NTM: variants seen among roughly 807,000 people sequenced by gnomAD.
NTM encodes the protein neurotrimin, also known as IgLON family member 2.
Under a neutral mutation model 42.1 loss-of-function variants are expected in NTM, and 13 were observed. That is an observed-to-expected ratio of 0.31 (90% CI 0.20 to 0.49). The LOEUF (loss-of-function observed/expected upper bound fraction) is 0.49, where lower values mean the gene tolerates loss of function less well. NTM is among the 20% of genes least tolerant of loss of function. NTM has a pLI of 0.99. For synonymous variants in NTM, 187 were observed against 179.2 expected (o/e 1.04, Z -0.35); for missense variants, 373 against 452.8 (o/e 0.82, Z 1.60).
intron 1 of NTM, among the ~76,000 whole-genome samples, chr11:131,784,823 C>G (rs1322266959): frequency 2.0e-5 from 3 of 152,106 alleles, no homozygotes; most frequent in African/African-American, 7.2e-5. Flanking sequence ...ATCTTTTTAG[C>G]TTTTTCCATA....
chr11:131,532,608 G>A (rs1365192206), intron 1 of NTM, among the ~76,000 whole-genome samples: 1 of 152,148 alleles, frequency 6.6e-6, no homozygotes, highest in Non-Finnish European at 1.5e-5. Flanking sequence ...GGGTCAAATG[G>A]TAACTTGACG....
chr11:132,243,931 T>C (rs2090632847), intron 4 of NTM, among the ~76,000 whole-genome samples: 1 of 152,186 alleles, frequency 6.6e-6, no homozygotes, highest in African/African-American at 2.4e-5. Flanking sequence ...GTTTAGACCC[T>C]CCTTCACTAA....
chr11:131,501,815 A>C (rs112854716), intron 1 of NTM, among the ~76,000 whole-genome samples: 2 of 152,122 alleles, frequency 1.3e-5, no homozygotes, highest in Non-Finnish European at 2.9e-5. Context: ...AACTGGTTGG[A>C]TGGTGACACC....
intron 2 of NTM, among the ~76,000 whole-genome samples, chr11:132,024,615 G>A (rs2074907203): frequency 6.6e-6 from 1 of 152,078 alleles, no homozygotes; most frequent in Admixed American, 6.5e-5. Context: ...AGTCATATAG[G>A]GCAAATGTGG....
chr11:131,499,583 T>A (rs1433389965), intron 1 of NTM, among the ~76,000 whole-genome samples: 1 of 152,232 alleles, frequency 6.6e-6, no homozygotes, highest in Non-Finnish European at 1.5e-5. Flanking sequence ...TTTTCCTGCT[T>A]TAAACACTAA....
In NTM at chr11:132,003,886, T is replaced by G. The variant is rs138665962; in HGVS notation, c.167+92238T>G. Among the ~76,000 whole-genome samples, 395 of 152,364 alleles carry G rather than the reference T, an allele frequency of 2.6e-3. 2 individuals carry two copies. The highest frequency in any genetic ancestry group is 9.1e-3 in the African/African-American group (377 of 41,588). On this transcript the variant is annotated intron_variant, in intron 2 of 8. Coordinates refer to ENST00000683400, the MANE Select transcript of NTM (RefSeq NM_001352005.2). The surrounding 1 kb of genome is among the most constrained non-coding windows in gnomAD (Gnocchi z 6.0). ...ATTATCTAAAAGGTCAAGATTCTCA[T>G]GTAGACTTCTTTTTGAACATTCTTT... is the stretch of plus-strand genomic sequence containing the variant.
At chr11:131,813,472 A>T (rs1361683572) in intron 1 of NTM, among the ~76,000 whole-genome samples, 1 of 152,174 alleles carries the variant, frequency 6.6e-6, no homozygotes, top group Non-Finnish European at 1.5e-5. Flanking sequence ...TAAAGGACGG[A>T]TGAAGGCTGT....
intron 1 of NTM, among the ~76,000 whole-genome samples, chr11:131,910,638 G>A (rs888059041): frequency 6.6e-6 from 1 of 150,510 alleles, no homozygotes; most frequent in African/African-American, 2.4e-5. Flanking sequence ...GGAGGAAGGC[G>A]GCGCGGAGGC....
At chr11:131,948,045 T>C (rs2060536155) in intron 2 of NTM, among the ~76,000 whole-genome samples, 1 of 152,152 alleles carries the variant, frequency 6.6e-6, no homozygotes, top group South Asian at 2.1e-4. Flanking sequence ...GTGCCCATGA[T>C]GAGCAAGTTA....
intron 1 of NTM, among the ~76,000 whole-genome samples, chr11:131,456,642 A>C (rs1950920780): frequency 6.6e-6 from 1 of 152,118 alleles, no homozygotes; most frequent in Non-Finnish European, 1.5e-5. Context: ...GCCCGAAAGG[A>C]AACCTTGATA....
intron 1 of NTM, among the ~76,000 whole-genome samples, chr11:131,620,222 A>AC (rs1394282236): frequency 6.6e-6 from 1 of 152,144 alleles, no homozygotes; most frequent in African/African-American, 2.4e-5. Context: ...TTCTTTACAG[A>AC]CATTTTCCCT....
chr11:132,286,021 G>A (rs1218294925), intron 4 of NTM, among the ~76,000 whole-genome samples: 1 of 152,180 alleles, frequency 6.6e-6, no homozygotes, highest in Non-Finnish European at 1.5e-5. Flanking sequence ...CTGCAAGGAA[G>A]ACCTATCACC....
At chr11:131,829,227 C>T (rs1390326024) in intron 1 of NTM, among the ~76,000 whole-genome samples, 1 of 151,852 alleles carries the variant, frequency 6.6e-6, no homozygotes, top group African/African-American at 2.4e-5. Flanking sequence ...GATACATGTC[C>T]AGGTTTGTTA....
chr11:131,929,340 G>A (rs1310949795), intron 2 of NTM, among the ~76,000 whole-genome samples: 1 of 152,202 alleles, frequency 6.6e-6, no homozygotes, highest in Non-Finnish European at 1.5e-5. Context: ...GCACATGTGG[G>A]CGGGGCCTGG....
At chr11:131,620,709 A>G (rs2062437560) in intron 1 of NTM, among the ~76,000 whole-genome samples, 1 of 152,220 alleles carries the variant, frequency 6.6e-6, no homozygotes, top group South Asian at 2.1e-4. Context: ...GCTATTTCCT[A>G]ATGGAGTGGG....
chr11:131,760,866 T>A (rs1010466923), intron 1 of NTM, among the ~76,000 whole-genome samples: 15 of 152,318 alleles, frequency 9.8e-5, no homozygotes, highest in Non-Finnish European at 2.2e-4. Context: ...GTGCCCACGA[T>A]GCTGGAGAAT....
chr11:132,007,983 T>C (rs2071199434), intron 2 of NTM, among the ~76,000 whole-genome samples: 1 of 151,664 alleles, frequency 6.6e-6, no homozygotes, highest in South Asian at 2.1e-4. Context: ...CTATGAGGAG[T>C]AGAAAGGAAA....
At chr11:131,764,364 C>T (rs1352407457) in intron 1 of NTM, among the ~76,000 whole-genome samples, 1 of 152,138 alleles carries the variant, frequency 6.6e-6, no homozygotes, top group African/African-American at 2.4e-5. Flanking sequence ...AGATTTCCTT[C>T]TTCCTCATGT....
At chr11:132,256,720 ATG>A (rs2092504802) in intron 4 of NTM, among the ~76,000 whole-genome samples, 1 of 151,586 alleles carries the variant, frequency 6.6e-6, no homozygotes, top group South Asian at 2.1e-4. Context: ...TAAACGGCAC[ATG>A]AGTGCATCTG....
Sources: gnomAD v4.1 joint callset for allele counts (sites outside exome capture counted in the v4.1 genomes callset) on GRCh38, gnomAD v4.1.1 for gene constraint, Gnocchi (gnomAD v3.1) non-coding constraint, MANE v1.5 for transcripts, NCBI Gene and HGNC (gene_info 2026-07-23, HGNC 2026-07-21) for gene names.